Variants in RNFT2 observed in about 807,000 individuals in gnomAD.
RNFT2 encodes the protein ring finger protein, transmembrane 2, also known as E3 ubiquitin-protein ligase RNFT2.
RNFT2 carries 36 observed loss-of-function variants against 53.0 expected under a neutral mutation model. The observed-to-expected ratio is 0.68, with a 90% CI of 0.52 to 0.90. The LOEUF (loss-of-function observed/expected upper bound fraction) is 0.90, where lower values mean the gene tolerates loss of function less well. Among genes scored for constraint, RNFT2 ranks in the 40% least tolerant of loss-of-function variants. RNFT2 has a pLI of 0.00. For synonymous variants in RNFT2, 260 were observed against 253.2 expected (o/e 1.03, Z -0.26); for missense variants, 514 against 585.6 (o/e 0.88, Z 1.26).
intron 7 of RNFT2, among the ~76,000 whole-genome samples, chr12:116,794,668 A>AGGGAAGGGAGGGAGGG (rs1566083493): frequency 1.3e-5 from 1 of 77,288 alleles, no homozygotes; most frequent in Non-Finnish European, 2.4e-5. Flanking sequence ...GGAAGGGAGG[A>AGGGAAGGGAGGGAGGG]AGGAAGGGAG....
At chr12:116,791,151 T>G (rs1874213215) in intron 7 of RNFT2, among the ~76,000 whole-genome samples, 1 of 152,230 alleles carries the variant, frequency 6.6e-6, no homozygotes, top group African/African-American at 2.4e-5. Flanking sequence ...CACAAGCTCC[T>G]GGCAACTGCC....
intron 10 of RNFT2, among the ~76,000 whole-genome samples, chr12:116,844,111 C>T (rs567265235): frequency 6.6e-6 from 1 of 152,318 alleles, no homozygotes; most frequent in East Asian, 1.9e-4. Context: ...TTGGCCTTTT[C>T]ACTCTGGTTC....
intron 5 of RNFT2, among the ~76,000 whole-genome samples, chr12:116,757,552 T>A (rs905534939): frequency 6.6e-6 from 1 of 152,200 alleles, no homozygotes; most frequent in Non-Finnish European, 1.5e-5. Context: ...AAGAATTTTT[T>A]AATTTCCATC....
intron 7 of RNFT2, among the ~76,000 whole-genome samples, chr12:116,791,431 C>G (rs1461218133): frequency 6.6e-6 from 1 of 152,168 alleles, no homozygotes; most frequent in Non-Finnish European, 1.5e-5. Flanking sequence ...CTGCCTCAGC[C>G]CCCAAGAGTA....
chr12:116,845,258 A>ATAT (rs1177907516), intron 10 of RNFT2, among the ~76,000 whole-genome samples: 2 of 122,548 alleles, frequency 1.6e-5, no homozygotes, highest in Admixed American at 8.6e-5. Flanking sequence ...AAAAAAAAAA[A>ATAT]ATATATATAT....
chr12:116,747,647 A>G (rs1262014758), intron 3 of RNFT2, among the ~76,000 whole-genome samples: 1 of 152,122 alleles, frequency 6.6e-6, no homozygotes, highest in Non-Finnish European at 1.5e-5. Flanking sequence ...TCTGGCATAC[A>G]TTTATTAAGC....
intron 7 of RNFT2, among the ~76,000 whole-genome samples, chr12:116,832,148 A>ATATATATATATATATATATATAT (rs56674314): frequency 3.6e-5 from 2 of 55,172 alleles, no homozygotes; most frequent in African/African-American, 1.4e-4. Flanking sequence ...AAAAAAAAAA[A>ATATATATATATATATATATATAT]ATATATATAT....
chr12:116,764,773 T>A (rs1592945308), intron 5 of RNFT2, among the ~76,000 whole-genome samples: 1 of 152,054 alleles, frequency 6.6e-6, no homozygotes, highest in Non-Finnish European at 1.5e-5. Flanking sequence ...GCGCCTGTAA[T>A]CCCAGCCACT....
At chr12:116,804,683 G>A (rs923036252) in intron 7 of RNFT2, among the ~76,000 whole-genome samples, 2 of 152,076 alleles carry the variant, frequency 1.3e-5, no homozygotes, top group Admixed American at 6.5e-5. Flanking sequence ...GTTCTTTCTC[G>A]AGGCAGGCTG....
At chr12:116,806,367 C>CA (rs139305837) in intron 7 of RNFT2, among the ~76,000 whole-genome samples, 2,939 of 113,702 alleles carry the variant, frequency 0.026, 106 homozygotes, top group African/African-American at 0.1. Flanking sequence ...GAGACTGTCT[C>CA]AAAAAAAAAA....
intron 7 of RNFT2, among the ~76,000 whole-genome samples, chr12:116,808,234 G>A (rs116237247): frequency 0.04 from 6,089 of 152,046 alleles, 267 homozygotes; most frequent in East Asian, 0.14. Context: ...TAAAGTGCTC[G>A]TAAGCCACCA....
At chr12:116,752,561 G>C (rs1028084087) in intron 4 of RNFT2, among the ~76,000 whole-genome samples, 3 of 152,154 alleles carry the variant, frequency 2.0e-5, no homozygotes, top group Admixed American at 1.3e-4. Context: ...TGGAAAAATA[G>C]CTGGAGTACA....
intron 7 of RNFT2, among the ~76,000 whole-genome samples, chr12:116,789,906 G>T (rs1874146928): frequency 6.7e-6 from 1 of 148,980 alleles, no homozygotes; most frequent in African/African-American, 2.5e-5. Context: ...TGGGTGGATG[G>T]ATGGTAGATG....
chr12:116,753,148 C>CTTTTTTTTTTTTTTTT (rs11377177), intron 4 of RNFT2, among the ~76,000 whole-genome samples: 37 of 93,690 alleles, frequency 3.9e-4, no homozygotes, highest in Non-Finnish European at 6.0e-4. Flanking sequence ...TTTTCTTTTT[C>CTTTTTTTTTTTTTTTT]TTTTTTTTTT....
intron 7 of RNFT2, among the ~76,000 whole-genome samples, chr12:116,808,050 G>A (rs145906065): frequency 0.014 from 2,127 of 152,102 alleles, 58 homozygotes; most frequent in African/African-American, 0.048. Flanking sequence ...TACAACCTCC[G>A]CCTCCCAGGT....
Position 116,852,527 on chromosome 12 carries a change from G to A in RNFT2, c.*3079G>A. 2 of 1,561,414 alleles carry A rather than the reference G, an allele frequency of 1.3e-6. No homozygotes were observed. Among genetic ancestry groups the A allele is most frequent in the Admixed American group, 1.9e-5 (1 of 52,940 alleles). On this transcript the variant is annotated 3_prime_UTR_variant, in exon 11 of 11. Transcript: ENST00000257575. ...CTGAATAATCAAGTGGGAAGGGGAA[G>A]CAGAGGGAAATGGGGCCATGTGAAT...
At chr12:116,845,801 C>A (rs146850072) in intron 10 of RNFT2, among the ~76,000 whole-genome samples, 2,971 of 152,184 alleles carry the variant, frequency 0.02, 57 homozygotes, top group South Asian at 0.029. Context: ...TTTCCCCAAT[C>A]CCTCTCTCCC....
At chr12:116,834,037 T>C in intron 8 of RNFT2, 96 bp downstream of exon 8, 1 of 1,046,366 alleles carries the variant, frequency 9.6e-7, no homozygotes, top group Non-Finnish European at 1.3e-6. Flanking sequence ...ATACCCATGC[T>C]GATTTATTTA....
chr12:116,851,776 G>GAGGA lies in RNFT2; in HGVS notation c.*2346_*2349dup, dbSNP rs746234865. 2.6e-4 allele frequency: 203 copies of GAGGA among 782,978 alleles called. No homozygotes were observed. The Middle Eastern group carries it at 3.1e-3, about 12-fold the overall frequency. 48.5% of individuals were successfully genotyped at this position (782,978 alleles called of 1,614,324 possible). On this transcript the variant is annotated 3_prime_UTR_variant, in exon 11 of 11. Coordinates refer to ENST00000257575, the MANE Select transcript of RNFT2 (RefSeq NM_001382266.1). ...AAAAGAAAGAAAGAAGGGAGGGAGG[G>GAGGA]AGGAAGGAAGGAAGGAAGGAAAGAA... is the stretch of plus-strand genomic sequence containing the variant.
Sources: allele counts gnomAD v4.1 joint callset (sites outside exome capture counted in the v4.1 genomes callset), GRCh38; gene constraint gnomAD v4.1.1; transcripts MANE v1.5; gene names NCBI Gene and HGNC (gene_info 2026-07-23, HGNC 2026-07-21).